HS6ST3: variants seen among roughly 807,000 people sequenced by gnomAD.
HS6ST3 encodes heparan sulfate 6-O-sulfotransferase 3.
In HS6ST3, 12 loss-of-function variants were observed where a neutral mutation model predicts 36.7. The ratio of observed to expected loss-of-function variants is 0.33; its 90% confidence interval spans 0.21 to 0.53. The LOEUF (loss-of-function observed/expected upper bound fraction) is 0.53. Ranked by LOEUF, HS6ST3 falls within the 20% of genes least tolerant of loss-of-function variation. The probability of loss-of-function intolerance (pLI) is 0.95; values close to 1 mark genes in which losing one functional copy is unlikely to be tolerated. For missense variants in HS6ST3, 584 were observed against 640.9 expected (o/e 0.91, Z 0.96); for synonymous variants, 240 against 257.5 (o/e 0.93, Z 0.65).
At chr13:96,563,710 C>T (rs1566397913) in intron 1 of HS6ST3, among the ~76,000 whole-genome samples, 1 of 152,280 alleles carries the variant, frequency 6.6e-6, no homozygotes, top group East Asian at 1.9e-4. Flanking sequence ...GGTTAAGTGA[C>T]TTGCTAATGG....
chr13:96,293,043 C>T (rs1432401951), intron 1 of HS6ST3, among the ~76,000 whole-genome samples: 1 of 151,760 alleles, frequency 6.6e-6, no homozygotes, highest in Non-Finnish European at 1.5e-5. Flanking sequence ...ACATATGACA[C>T]CTCCACCCCC....
intron 1 of HS6ST3, among the ~76,000 whole-genome samples, chr13:96,598,860 T>C (rs557976642): frequency 6.6e-6 from 1 of 152,112 alleles, no homozygotes; most frequent in African/African-American, 2.4e-5. Flanking sequence ...CTATTCCTAA[T>C]TTTTGAAGGT....
chr13:96,401,301 T>C (rs1223843178), intron 1 of HS6ST3, among the ~76,000 whole-genome samples: 6 of 151,272 alleles, frequency 4.0e-5, no homozygotes, highest in African/African-American at 1.5e-4. Context: ...CTCTACACCC[T>C]TCAAGTTGAT....
In HS6ST3 at chr13:96,708,466, A is replaced by G. The variant is rs138117539; in HGVS notation, c.708-124024A>G. ...TCTTACAGAGGGAGGTCGGAAAAAT[A>G]TTGATGCATAAAATCAATAATATTC... On this transcript the variant is annotated intron_variant, in intron 1 of 1. Coordinates refer to ENST00000376705, the MANE Select transcript of HS6ST3 (RefSeq NM_153456.4). Among the ~76,000 whole-genome samples the G allele has an allele frequency of 2.6e-3, 392 of 152,304 alleles. 2 individuals carry two copies. The highest frequency in any genetic ancestry group is 8.9e-3 in the African/African-American group (370 of 41,580).
intron 1 of HS6ST3, among the ~76,000 whole-genome samples, chr13:96,462,468 C>T (rs1348842605): frequency 6.6e-6 from 1 of 152,176 alleles, no homozygotes; most frequent in Non-Finnish European, 1.5e-5. Context: ...TATAATGAAA[C>T]TTTATTAGTC....
intron 1 of HS6ST3, among the ~76,000 whole-genome samples, chr13:96,559,415 G>A (rs1391391673): frequency 2.0e-5 from 3 of 152,162 alleles, no homozygotes; most frequent in African/African-American, 4.8e-5. Context: ...CACCATGCCC[G>A]GCCAGTCAAT....
At chr13:96,815,212 G>A (rs533656901) in intron 1 of HS6ST3, among the ~76,000 whole-genome samples, 2 of 152,238 alleles carry the variant, frequency 1.3e-5, no homozygotes, top group Non-Finnish European at 2.9e-5. Context: ...TCTTTCGTCT[G>A]GAAGTCTCAG....
At chr13:96,763,876 A>G (rs879871047) in intron 1 of HS6ST3, among the ~76,000 whole-genome samples, 3 of 152,242 alleles carry the variant, frequency 2.0e-5, no homozygotes, top group Admixed American at 1.3e-4. Context: ...GATACAAATC[A>G]TATTGCAACA....
At chr13:96,223,674 C>T (rs1594722043) in intron 1 of HS6ST3, among the ~76,000 whole-genome samples, 2 of 151,574 alleles carry the variant, frequency 1.3e-5, no homozygotes, top group Non-Finnish European at 2.9e-5. Context: ...AAGTTTTTGT[C>T]GTTTTTTATT....
chr13:96,564,260 A>G (rs1006580513), intron 1 of HS6ST3, among the ~76,000 whole-genome samples: 1 of 152,190 alleles, frequency 6.6e-6, no homozygotes, highest in African/African-American at 2.4e-5. Context: ...CTCAGACGGC[A>G]TGCAGTTATG....
chr13:96,108,249 A>C (rs547523586), intron 1 of HS6ST3, among the ~76,000 whole-genome samples: 1 of 152,268 alleles, frequency 6.6e-6, no homozygotes, highest in East Asian at 1.9e-4. Context: ...GGGATGAAAC[A>C]CACCCTAGTC....
intron 1 of HS6ST3, among the ~76,000 whole-genome samples, chr13:96,350,358 T>A (rs1239371134): frequency 6.6e-6 from 1 of 152,214 alleles, no homozygotes; most frequent in Non-Finnish European, 1.5e-5. Context: ...AATCCCATAA[T>A]GTTTGGTGTG....
At chr13:96,319,903 A>G (rs2054995150) in intron 1 of HS6ST3, among the ~76,000 whole-genome samples, 2 of 152,298 alleles carry the variant, frequency 1.3e-5, no homozygotes, top group Admixed American at 1.3e-4. Flanking sequence ...TGGGAAAACA[A>G]GATTGCTGCC....
intron 1 of HS6ST3, among the ~76,000 whole-genome samples, chr13:96,247,658 A>G (rs2054590616): frequency 6.6e-6 from 1 of 152,088 alleles, no homozygotes; most frequent in African/African-American, 2.4e-5. Flanking sequence ...AAATGAACCA[A>G]TACAAGCCCC....
At chr13:96,145,096 C>T (rs1344090356) in intron 1 of HS6ST3, among the ~76,000 whole-genome samples, 12 of 67,362 alleles carry the variant, frequency 1.8e-4, no homozygotes, top group African/African-American at 3.8e-4. Context: ...TGAATAGTGC[C>T]GCAGTAAACA....
chr13:96,201,718 A>G (rs920268826), intron 1 of HS6ST3, among the ~76,000 whole-genome samples: 1 of 152,194 alleles, frequency 6.6e-6, no homozygotes, highest in African/African-American at 2.4e-5. Flanking sequence ...AATTATATGA[A>G]TACGTTTTCG....
chr13:96,638,209 C>A (rs1389894685), intron 1 of HS6ST3, among the ~76,000 whole-genome samples: 4 of 151,966 alleles, frequency 2.6e-5, no homozygotes, highest in Non-Finnish European at 4.4e-5. Context: ...ATATATAATT[C>A]CACACTGTAA....
intron 1 of HS6ST3, among the ~76,000 whole-genome samples, chr13:96,095,318 A>G (rs2053784972): frequency 6.6e-6 from 1 of 152,218 alleles, no homozygotes. Flanking sequence ...GTAAGTGAGT[A>G]TCTCTCCCAT....
At chr13:96,532,892 GGGA>G in intron 1 of HS6ST3, among the ~76,000 whole-genome samples, 1 of 152,270 alleles carries the variant, frequency 6.6e-6, no homozygotes, top group East Asian at 1.9e-4. Flanking sequence ...AAAAGAGGGT[GGGA>G]GGGGAACAAG....
Sources: allele counts gnomAD v4.1 joint callset (sites outside exome capture counted in the v4.1 genomes callset), GRCh38; gene constraint gnomAD v4.1.1; transcripts MANE v1.5; gene names NCBI Gene and HGNC (gene_info 2026-07-23, HGNC 2026-07-21).